Variants in INSYN2B observed in about 807,000 individuals in gnomAD.
INSYN2B encodes the protein protein INSYN2B.
INSYN2B carries 16 observed loss-of-function variants against 41.2 expected under a neutral mutation model. The observed-to-expected ratio is 0.39, with a 90% CI of 0.26 to 0.59. The LOEUF (loss-of-function observed/expected upper bound fraction) is 0.59, where lower values mean the gene tolerates loss of function less well. Ranked by LOEUF, INSYN2B falls within the 20% of genes least tolerant of loss-of-function variation. INSYN2B has a pLI of 0.57. For synonymous variants in INSYN2B, 245 were observed against 244.4 expected (o/e 1.00, Z -0.02); for missense variants, 608 against 646.4 (o/e 0.94, Z 0.64).
chr5:169,882,683 G>C lies in INSYN2B; in HGVS notation c.1216C>G (p.Arg406Gly). ...ISDINQIHLARGELCDLQGRL... is the reference protein window; with the variant it reads ...ISDINQIHLAGGELCDLQGRL... Reference sequence around the variant, plus strand: ...CCTTGGAGGTCGCAGAGTTCACCCCGTGCCAGGTGAATTTGATTAATGTCA... The same window carrying C: ...CCTTGGAGGTCGCAGAGTTCACCCCCTGCCAGGTGAATTTGATTAATGTCA... The change falls in exon 2 of 4, where the codon CGG (arginine) becomes GGG (glycine). Residue 406 changes from arginine to glycine, a missense_variant. Physicochemically the swap from Arg to Gly is moderately radical, Grantham distance 125. Coordinates refer to ENST00000377365, the MANE Select transcript of INSYN2B (RefSeq NM_001129891.3). 1 of 1,552,036 alleles carries C rather than the reference G, an allele frequency of 6.4e-7. No homozygotes were observed. The highest frequency in any genetic ancestry group is 1.4e-5 in the African/African-American group (1 of 73,130).
At position 169,881,398 on chromosome 5, in the gene INSYN2B, G is replaced by GTACC; in HGVS notation, c.1390_1391insGGTA (p.Thr464ArgfsTer16). ...TATGATGCACGCCGTGTTCTGGCAGGTACTGCAATTGTTGAGATCTTGGCC... is the reference window on the plus strand; with the variant it reads ...TATGATGCACGCCGTGTTCTGGCAGGTACCTACTGCAATTGTTGAGATCTTGGCC... On this transcript the variant is annotated frameshift_variant, in exon 3 of 4. Transcript: ENST00000377365. LOFTEE classifies it high-confidence loss of function. The GTACC allele has an allele frequency of 6.4e-7, 1 of 1,551,518 alleles. No individual in the cohort carries two copies. The highest frequency in any genetic ancestry group is 8.7e-7 in the Non-Finnish European group (1 of 1,146,856).
intron 1 of INSYN2B, among the ~76,000 whole-genome samples, chr5:169,926,187 G>GATAGGTAGACGCAGGCCCAGTGC (rs1775444094): frequency 6.6e-6 from 1 of 152,174 alleles, no homozygotes; most frequent in African/African-American, 2.4e-5. Context: ...CATGGATGTG[G>GATAGGTAGACGCAGGCCCAGTGC]ATAGGTAGAC....
intron 1 of INSYN2B, among the ~76,000 whole-genome samples, chr5:169,902,176 G>A (rs145344040): frequency 6.6e-6 from 1 of 152,288 alleles, no homozygotes; most frequent in Non-Finnish European, 1.5e-5. Context: ...AGTCCAGGAG[G>A]GGAATAACCA....
At chr5:169,886,178 G>A (rs749871506) in intron 1 of INSYN2B, among the ~76,000 whole-genome samples, 2 of 152,180 alleles carry the variant, frequency 1.3e-5, no homozygotes, top group African/African-American at 4.8e-5. Flanking sequence ...TATTAGTGGC[G>A]TGAGAACAAA....
chr5:169,902,572 G>A (rs771378895), intron 1 of INSYN2B, among the ~76,000 whole-genome samples: 9 of 152,174 alleles, frequency 5.9e-5, no homozygotes, highest in Non-Finnish European at 1.0e-4. Context: ...AATACTGAGG[G>A]TCAGCTGTTT....
intron 1 of INSYN2B, among the ~76,000 whole-genome samples, chr5:169,902,566 C>T (rs551623300): frequency 1.5e-4 from 23 of 152,292 alleles, no homozygotes; most frequent in African/African-American, 5.1e-4. Flanking sequence ...GTGGGAAATA[C>T]TGAGGGTCAG....
At chr5:169,906,626 C>T (rs1464812278) in intron 1 of INSYN2B, among the ~76,000 whole-genome samples, 3 of 152,162 alleles carry the variant, frequency 2.0e-5, no homozygotes, top group Non-Finnish European at 2.9e-5. Context: ...GCCACCCATG[C>T]CTGGCCAAAA....
chr5:169,945,057 A>G (rs1776390595), intron 1 of INSYN2B, among the ~76,000 whole-genome samples: 1 of 152,240 alleles, frequency 6.6e-6, no homozygotes, highest in Non-Finnish European at 1.5e-5. Context: ...TGACCAGGAC[A>G]AAAGAGCATT....
At chr5:169,879,367 TA>T (rs955547089) in intron 3 of INSYN2B, among the ~76,000 whole-genome samples, 11 of 151,440 alleles carry the variant, frequency 7.3e-5, no homozygotes, top group African/African-American at 2.2e-4. Flanking sequence ...GAATGTTTTC[TA>T]AAAAAAAATG....
chr5:169,951,618 T>A (rs1776669239), intron 1 of INSYN2B, among the ~76,000 whole-genome samples: 1 of 152,184 alleles, frequency 6.6e-6, no homozygotes, highest in African/African-American at 2.4e-5. Context: ...AGAAATCAAA[T>A]GTTTGGATAT....
At chr5:169,909,020 T>C (rs543089974) in intron 1 of INSYN2B, among the ~76,000 whole-genome samples, 2 of 152,338 alleles carry the variant, frequency 1.3e-5, no homozygotes, top group African/African-American at 4.8e-5. Context: ...TCTGTCATAA[T>C]TGTCAGCCCC....
intron 3 of INSYN2B, among the ~76,000 whole-genome samples, chr5:169,879,526 G>A (rs531355505): frequency 6.6e-6 from 1 of 152,182 alleles, no homozygotes; most frequent in African/African-American, 2.4e-5. Context: ...GGTAATGAGG[G>A]ATATATGCAT....
At chr5:169,877,646 T>C (rs981600801) in intron 3 of INSYN2B, among the ~76,000 whole-genome samples, 1 of 151,964 alleles carries the variant, frequency 6.6e-6, no homozygotes, top group Admixed American at 6.5e-5. Context: ...ATGTAGTTGC[T>C]TGAAAATTTT....
At chr5:169,937,391 C>A (rs1776042660) in intron 1 of INSYN2B, among the ~76,000 whole-genome samples, 1 of 152,172 alleles carries the variant, frequency 6.6e-6, no homozygotes. Context: ...CATCCCTGGC[C>A]TATGATTTTC....
chr5:169,969,424 GAC>G (rs1777420386), intron 1 of INSYN2B, among the ~76,000 whole-genome samples: 1 of 152,258 alleles, frequency 6.6e-6, no homozygotes, highest in East Asian at 1.9e-4. Flanking sequence ...CAGCCTGGGT[GAC>G]AGAGTGAGGC....
At position 169,884,371 on chromosome 5, in the gene INSYN2B, G is replaced by C. The variant is rs766410415; in HGVS notation, c.-473C>G. 13 of 153,062 alleles carry C rather than the reference G, an allele frequency of 8.5e-5. No homozygotes were observed. The highest frequency in any genetic ancestry group is 1.6e-4 in the Non-Finnish European group (11 of 68,720). The allele number at this position is 153,062 out of a possible 1,614,324, so 9.5% of individuals were successfully genotyped here. A position where few individuals can be genotyped will look rare whatever the true frequency, so the allele number is the denominator to read the frequency against. ...AGAACATACAGCTTTTTGTTTCCCA[G>C]AGCATTAATTTCCAGGGTGAAACTG... On this transcript the variant is annotated 5_prime_UTR_variant, in exon 2 of 4. Coordinates refer to ENST00000377365, the MANE Select transcript of INSYN2B (RefSeq NM_001129891.3).
At chr5:169,895,794 C>T (rs951115009) in intron 1 of INSYN2B, among the ~76,000 whole-genome samples, 3 of 152,210 alleles carry the variant, frequency 2.0e-5, no homozygotes, top group African/African-American at 7.2e-5. Context: ...TATCTGGGTT[C>T]TCAGTTTCCT....
intron 1 of INSYN2B, among the ~76,000 whole-genome samples, chr5:169,975,331 C>T (rs997236639): frequency 6.6e-6 from 1 of 152,198 alleles, no homozygotes; most frequent in African/African-American, 2.4e-5. Flanking sequence ...CTTTCCAGCA[C>T]ACAGCAGCTA....
At chr5:169,903,695 G>C (rs166354) in intron 1 of INSYN2B, among the ~76,000 whole-genome samples, 3 of 151,876 alleles carry the variant, frequency 2.0e-5, no homozygotes, top group Non-Finnish European at 4.4e-5. Flanking sequence ...GAACTTACTC[G>C]GGGCAGGGGG....
Sources: gnomAD v4.1 joint callset for allele counts (sites outside exome capture counted in the v4.1 genomes callset) on GRCh38, gnomAD v4.1.1 for gene constraint, MANE v1.5 for transcripts, NCBI Gene and HGNC (gene_info 2026-07-23, HGNC 2026-07-21) for gene names.